Variants in NEK10 observed in about 807,000 individuals in gnomAD.
NEK10 encodes NIMA related kinase 10.
In NEK10, 122 loss-of-function variants were observed where a neutral mutation model predicts 159.8. That is an observed-to-expected ratio of 0.76 (90% CI 0.66 to 0.89). The LOEUF (loss-of-function observed/expected upper bound fraction) is 0.89, where lower values mean the gene tolerates loss of function less well. Ranked by LOEUF, NEK10 falls within the 40% of genes least tolerant of loss-of-function variation. The pLI is 0.00. For synonymous variants in NEK10, 466 were observed against 457.1 expected (o/e 1.02, Z -0.25); for missense variants, 1,342 against 1,323.1 (o/e 1.01, Z -0.22).
At chr3:27,168,302 A>G (rs1056235331) in intron 29 of NEK10, among the ~76,000 whole-genome samples, 2 of 151,934 alleles carry the variant, frequency 1.3e-5, no homozygotes. Flanking sequence ...TTGATTTTCA[A>G]TTTATTTTTA....
intron 23 of NEK10, among the ~76,000 whole-genome samples, chr3:27,213,554 C>T (rs1415787214): frequency 6.6e-6 from 1 of 152,168 alleles, no homozygotes; most frequent in Non-Finnish European, 1.5e-5. Flanking sequence ...CGACCGAATC[C>T]ATGGACCCAT....
intron 25 of NEK10, among the ~76,000 whole-genome samples, chr3:27,192,493 G>A (rs1168092558): frequency 6.6e-6 from 1 of 151,830 alleles, no homozygotes; most frequent in Non-Finnish European, 1.5e-5. Flanking sequence ...GTTCCAGGCT[G>A]AGCATGAAGA....
chr3:27,244,761 C>T (rs763613345), intron 23 of NEK10, among the ~76,000 whole-genome samples: 14 of 152,098 alleles, frequency 9.2e-5, no homozygotes, highest in Admixed American at 3.3e-4. Context: ...CCTCTTCTCC[C>T]TTCCCTGTGG....
chr3:27,191,133 C>T (rs1406290118), intron 26 of NEK10, among the ~76,000 whole-genome samples: 4 of 152,166 alleles, frequency 2.6e-5, no homozygotes, highest in Admixed American at 2.0e-4. Context: ...ACTGGAAACA[C>T]TGTTATTCAA....
chr3:27,340,819 C>T (rs984255319), intron 5 of NEK10, among the ~76,000 whole-genome samples: 7 of 152,090 alleles, frequency 4.6e-5, no homozygotes, highest in African/African-American at 1.7e-4. Context: ...AAAATAGAAC[C>T]ACATGATCCA....
intron 23 of NEK10, among the ~76,000 whole-genome samples, chr3:27,203,342 C>T (rs9824189): frequency 0.05 from 7,627 of 152,210 alleles, 267 homozygotes; most frequent in African/African-American, 0.092. Context: ...AGGGGGAAGA[C>T]CATATTTAAA....
At chr3:27,225,528 A>G (rs2149177353) in intron 23 of NEK10, among the ~76,000 whole-genome samples, 1 of 152,356 alleles carries the variant, frequency 6.6e-6, no homozygotes. Flanking sequence ...CTATAGAAGC[A>G]TTAAAGTTCA....
intron 31 of NEK10, among the ~76,000 whole-genome samples, chr3:27,135,696 A>G (rs2125543416): frequency 6.6e-6 from 1 of 152,342 alleles, no homozygotes; most frequent in East Asian, 1.9e-4. Context: ...ATTACTGCAT[A>G]AGAGGATATT....
At chr3:27,297,885 T>C (rs1365309417) in intron 13 of NEK10, among the ~76,000 whole-genome samples, 1 of 152,210 alleles carries the variant, frequency 6.6e-6, no homozygotes, top group Non-Finnish European at 1.5e-5. Flanking sequence ...CCAGACTCTA[T>C]AGCACAGAGC....
intron 16 of NEK10, among the ~76,000 whole-genome samples, chr3:27,291,833 G>A (rs965124629): frequency 6.6e-6 from 1 of 151,880 alleles, no homozygotes; most frequent in Admixed American, 6.6e-5. Flanking sequence ...TAGTAGAGAC[G>A]GGGTTTCACC....
At chr3:27,275,913 G>C (rs1171259587) in intron 22 of NEK10, among the ~76,000 whole-genome samples, 3 of 152,056 alleles carry the variant, frequency 2.0e-5, no homozygotes, top group Non-Finnish European at 4.4e-5. Flanking sequence ...TTTTTTCTTT[G>C]AGTTACTGTT....
At chr3:27,358,544 G>C (rs1249873698) in intron 1 of NEK10, among the ~76,000 whole-genome samples, 2 of 152,134 alleles carry the variant, frequency 1.3e-5, no homozygotes. Context: ...GTGATGTCTT[G>C]GTAATTGCTG....
intron 30 of NEK10, among the ~76,000 whole-genome samples, chr3:27,153,109 A>G (rs531746826): frequency 6.6e-6 from 1 of 152,258 alleles, no homozygotes; most frequent in African/African-American, 2.4e-5. Flanking sequence ...TCATGAGGTC[A>G]GGAGATCGAG....
intron 32 of NEK10, among the ~76,000 whole-genome samples, chr3:27,128,968 T>C (rs1303456366): frequency 1.3e-5 from 2 of 152,182 alleles, no homozygotes; most frequent in South Asian, 2.1e-4. Flanking sequence ...GAAATGTGTA[T>C]ATTTTTTAAT....
chr3:27,166,730 G>C (rs9819738), intron 29 of NEK10, among the ~76,000 whole-genome samples: 66,325 of 151,876 alleles, frequency 0.44, 16,105 homozygotes, highest in African/African-American at 0.66. Flanking sequence ...GAGGCCCAGG[G>C]GGGTGGATCA....
At chr3:27,285,338 T>C (rs2042500895) in intron 20 of NEK10, among the ~76,000 whole-genome samples, 1 of 152,186 alleles carries the variant, frequency 6.6e-6, no homozygotes, top group Non-Finnish European at 1.5e-5. Context: ...TTCCTCCCAG[T>C]AGTCTAAAAT....
intron 1 of NEK10, among the ~76,000 whole-genome samples, chr3:27,362,154 A>G (rs2048733512): frequency 6.6e-6 from 1 of 152,224 alleles, no homozygotes; most frequent in African/African-American, 2.4e-5. Flanking sequence ...AAGAAGGTCC[A>G]GAAGGATGGG....
chr3:27,359,980 G>A (rs2048568886), intron 1 of NEK10, among the ~76,000 whole-genome samples: 1 of 152,154 alleles, frequency 6.6e-6, no homozygotes, highest in South Asian at 2.1e-4. Flanking sequence ...AAAATGTCAA[G>A]TTAAATTGGT....
intron 32 of NEK10, among the ~76,000 whole-genome samples, chr3:27,130,197 A>G (rs1004123430): frequency 6.6e-6 from 1 of 152,212 alleles, no homozygotes; most frequent in African/African-American, 2.4e-5. Flanking sequence ...CAGACAAGAG[A>G]ACCATGGCAG....
Sources: allele counts gnomAD v4.1 joint callset (sites outside exome capture counted in the v4.1 genomes callset), GRCh38; gene constraint gnomAD v4.1.1; transcripts MANE v1.5; gene names NCBI Gene and HGNC (gene_info 2026-07-23, HGNC 2026-07-21).